Variants in SYNE2 observed in about 807,000 individuals in gnomAD.
The protein encoded by SYNE2 is nesprin-2.
In SYNE2, 431 loss-of-function variants were observed where a neutral mutation model predicts 856.3. That is an observed-to-expected ratio of 0.50 (90% CI 0.47 to 0.55). SYNE2 has a LOEUF of 0.55. SYNE2 is among the 20% of genes least tolerant of loss of function. The pLI, the probability that SYNE2 is intolerant of heterozygous loss-of-function variation, is 0.00. For synonymous variants in SYNE2, 2,923 were observed against 2,872.3 expected (o/e 1.02, Z -0.56); for missense variants, 8,129 against 8,023.2 (o/e 1.01, Z -0.50).
chr14:64,070,780 A>G lies in SYNE2; in HGVS notation c.10567A>G (p.Lys3523Glu). Residue 3523 changes from lysine to glutamate, a missense_variant, in exon 52 of 116, where the codon AAG (lysine) becomes GAG (glutamate). This residue lies in a region of SYNE2 where 5,410 missense variants were observed against 5,284.8 expected (regional missense o/e 1.02). Coordinates refer to ENST00000555002, the MANE Select transcript of SYNE2 (RefSeq NM_182914.3). ...ATGCCAATATGGAGAGAACGTGGAG[A>G]AGCAACAGCTGTTACTGACTCTACT... ...CLCQYGENVEKQQLLLTLLLQ... is the reference protein window; with the variant it reads ...CLCQYGENVEEQQLLLTLLLQ... The G allele has an allele frequency of 1.9e-6, 3 of 1,614,162 alleles. No individual in the cohort carries two copies. Among genetic ancestry groups the G allele is most frequent in the Non-Finnish European group, 2.5e-6 (3 of 1,180,034 alleles).
At chr14:64,127,567 T>C (rs183282290) in intron 73 of SYNE2, among the ~76,000 whole-genome samples, 1 of 152,256 alleles carries the variant, frequency 6.6e-6, no homozygotes, top group Admixed American at 6.5e-5. Context: ...TTTTTCTAGC[T>C]AGAGGGAGCC....
chr14:64,077,504 G>T (rs1043704755), intron 54 of SYNE2, among the ~76,000 whole-genome samples: 1 of 152,066 alleles, frequency 6.6e-6, no homozygotes. Flanking sequence ...GGACTTGGGC[G>T]CTTCTTGGGA....
At position 64,087,848 on chromosome 14, in the gene SYNE2, A is replaced by G; in HGVS notation, c.11662A>G (p.Met3888Val). 1 of 1,614,060 alleles carries G rather than the reference A, an allele frequency of 6.2e-7. No individual in the cohort carries two copies. The highest frequency in any genetic ancestry group is 8.5e-7 in the Non-Finnish European group (1 of 1,179,932). The change falls in exon 58 of 116, where the codon ATG becomes GTG. Residue 3888 changes from methionine (M) to valine (V), a missense_variant. Coordinates refer to ENST00000555002, the MANE Select transcript of SYNE2 (RefSeq NM_182914.3). ...GGAAAGCCTTCCACAGATTCAGCGA[A>G]TGGCTGATGTAAGTTTGCACCATTC... The part of the protein sequence containing the change: ...IMESLPQIQR[M>V]ADDVVAIESE...
chr14:64,085,186 C>G (rs773634730), intron 57 of SYNE2: 2 of 543,784 alleles, frequency 3.7e-6, no homozygotes, highest in East Asian at 5.8e-5. Context: ...GTTCCTCCCA[C>G]CTTAGCCTCC....
chr14:64,040,501 C>G (rs549700716), intron 45 of SYNE2, among the ~76,000 whole-genome samples: 1 of 151,312 alleles, frequency 6.6e-6, no homozygotes, highest in Admixed American at 6.6e-5. Context: ...TTGACATAGT[C>G]TGAAGAGACT....
intron 12 of SYNE2, among the ~76,000 whole-genome samples, chr14:63,977,071 GA>G (rs1465716964): frequency 6.6e-6 from 1 of 151,752 alleles, no homozygotes; most frequent in Admixed American, 6.6e-5. Context: ...AAAATGGCAT[GA>G]AAAAAATTAT....
intron 1 of SYNE2, among the ~76,000 whole-genome samples, chr14:63,780,354 C>G (rs565665086): frequency 6.6e-6 from 1 of 151,866 alleles, no homozygotes; most frequent in Non-Finnish European, 1.5e-5. Context: ...GCAAACATGG[C>G]GAAACCTCAT....
At chr14:64,225,291 A>C in intron 115 of SYNE2, 28 bp from the exon 116 acceptor site, 1 of 1,613,992 alleles carries the variant, frequency 6.2e-7, no homozygotes. Context: ...GAGCCTCCCA[A>C]TCAGCTCTCA....
intron 45 of SYNE2, among the ~76,000 whole-genome samples, chr14:64,034,925 T>C (rs1241259298): frequency 6.6e-6 from 1 of 151,124 alleles, no homozygotes; most frequent in Non-Finnish European, 1.5e-5. Flanking sequence ...ATACATTTTC[T>C]AATTTATTAT....
chr14:64,015,512 T>C (rs2096885861), intron 32 of SYNE2, among the ~76,000 whole-genome samples: 1 of 152,108 alleles, frequency 6.6e-6, no homozygotes, highest in South Asian at 2.1e-4. Context: ...ATCTGCTTGA[T>C]GTCTGTAGTG....
chr14:64,220,158 C>T (rs910376614), intron 110 of SYNE2, among the ~76,000 whole-genome samples: 2 of 152,166 alleles, frequency 1.3e-5, no homozygotes, highest in East Asian at 1.9e-4. Context: ...TTAGTCGGTC[C>T]AGAAACATTA....
intron 99 of SYNE2, among the ~76,000 whole-genome samples, chr14:64,198,062 G>GA (rs1310960589): frequency 9.9e-5 from 15 of 152,158 alleles, no homozygotes; most frequent in African/African-American, 3.4e-4. Context: ...TAAAAATTTT[G>GA]TTTTTCTGAT....
chr14:63,989,026 T>C (rs969649904), intron 19 of SYNE2, among the ~76,000 whole-genome samples: 1 of 152,172 alleles, frequency 6.6e-6, no homozygotes, highest in Non-Finnish European at 1.5e-5. Flanking sequence ...ATCTCACTTA[T>C]TGTTTTAATG....
At chr14:63,993,704 C>T in intron 21 of SYNE2, 131 bp from the exon 22 acceptor site, 1 of 772,324 alleles carries the variant, frequency 1.3e-6, no homozygotes, top group Non-Finnish European at 2.1e-6. Context: ...TATAAATCTT[C>T]AGATATTCTT....
chr14:64,137,599 AC>A (rs2098105007), intron 78 of SYNE2, among the ~76,000 whole-genome samples, 187 bp from the exon 79 acceptor site: 2 of 152,176 alleles, frequency 1.3e-5, no homozygotes, highest in African/African-American at 2.4e-5. Context: ...AAGATTGGAC[AC>A]CTATCATGAA....
chr14:63,890,524 G>A (rs1003493955), intron 1 of SYNE2, among the ~76,000 whole-genome samples: 5 of 152,140 alleles, frequency 3.3e-5, no homozygotes, highest in Admixed American at 3.3e-4. Flanking sequence ...CCACCTTGAT[G>A]AAGAGGGATT....
intron 14 of SYNE2, 22 bp from the exon 15 acceptor site, chr14:63,980,632 A>G (rs2096578500): frequency 6.8e-7 from 1 of 1,475,092 alleles, no homozygotes; most frequent in South Asian, 1.1e-5. Context: ...AACTGTCAAT[A>G]TGTTTTTTGT....
Position 64,122,304 on chromosome 14 carries a change from T to A in SYNE2, c.13299T>A (p.Pro4433=). ...TCAAAAGCAACCAGGCATCCAGCCC[T>A]GAAAATGACGTTCCAGACTCGATCT... ...ESSASNQASS[P]ENDVPDSILS... Residue 4433 remains proline, a synonymous_variant, in exon 70 of 116, where the codon CCT becomes CCA. Coordinates refer to ENST00000555002, the MANE Select transcript of SYNE2 (RefSeq NM_182914.3). 2 of 1,614,188 alleles carry A rather than the reference T, an allele frequency of 1.2e-6. No homozygotes were observed. The highest frequency in any genetic ancestry group is 1.7e-6 in the Non-Finnish European group (2 of 1,180,034).
chr14:63,961,005 C>A, intron 8 of SYNE2: 1 of 502,500 alleles, frequency 2.0e-6, no homozygotes, highest in Non-Finnish European at 3.5e-6. Context: ...AGAAGGCTTT[C>A]AGTAGATTTA....
Sources: allele counts gnomAD v4.1 joint callset (sites outside exome capture counted in the v4.1 genomes callset), GRCh38; gene constraint gnomAD v4.1.1; regional missense constraint gnomAD v4.1.1; transcripts MANE v1.5; gene names NCBI Gene and HGNC (gene_info 2026-07-23, HGNC 2026-07-21).